Variants in ILDR2 observed in about 807,000 individuals in gnomAD.
ILDR2 encodes immunoglobulin-like domain-containing receptor 2.
A neutral mutation model predicts 66.8 loss-of-function variants in ILDR2; 25 were observed. That is an observed-to-expected ratio of 0.37 (90% CI 0.27 to 0.52). ILDR2 has a LOEUF of 0.52. ILDR2 is among the 20% of genes least tolerant of loss of function. The pLI is 0.88. For synonymous variants in ILDR2, 367 were observed against 357.2 expected (o/e 1.03, Z -0.31); for missense variants, 827 against 876.8 (o/e 0.94, Z 0.72).
rs964350693 is a variant in ILDR2 at position 166,911,184 on chromosome 1, C to G, written c.*8171G>C. ...TGTCTATAATTAAGACAGCCATTCT[C>G]TTATATTATCAAACTCTAAAGAATA... is the stretch of plus-strand genomic sequence containing the variant. On this transcript the variant is annotated 3_prime_UTR_variant, in exon 10 of 10. Coordinates refer to ENST00000271417, the MANE Select transcript of ILDR2 (RefSeq NM_199351.3). 2 of 152,250 alleles carry G rather than the reference C, an allele frequency of 1.3e-5. No individual in the cohort carries two copies. Among genetic ancestry groups the G allele is most frequent in the African/African-American group, 4.8e-5 (2 of 41,466 alleles). The allele number at this position is 152,250 out of a possible 1,614,324, so 9.4% of individuals were successfully genotyped here.
downstream of ILDR2, among the ~76,000 whole-genome samples, chr1:166,904,559 A>C (rs898532945): frequency 1.3e-5 from 2 of 152,224 alleles, no homozygotes; most frequent in Non-Finnish European, 1.5e-5. Flanking sequence ...GGAGATCTGG[A>C]TGCTAGCTCC....
chr1:166,972,220 A>G (rs943969149), intron 1 of ILDR2, among the ~76,000 whole-genome samples: 3 of 152,022 alleles, frequency 2.0e-5, no homozygotes, highest in African/African-American at 7.2e-5. Flanking sequence ...TCTCAAAAAA[A>G]AAAAAGAAAA....
chr1:166,946,971 A>G (rs1389513336), intron 3 of ILDR2, among the ~76,000 whole-genome samples: 1 of 152,242 alleles, frequency 6.6e-6, no homozygotes, highest in Non-Finnish European at 1.5e-5. Flanking sequence ...TGAATACATC[A>G]TAACACAGTA....
At chr1:166,963,572 A>G (rs1662751610) in intron 1 of ILDR2, among the ~76,000 whole-genome samples, 1 of 152,084 alleles carries the variant, frequency 6.6e-6, no homozygotes, top group African/African-American at 2.4e-5. Flanking sequence ...TCCACTCTCC[A>G]TATTTTTCTA....
rs980294668 is a variant in ILDR2, at chr1:166,914,582, C to T, written c.*4773G>A. 15 of 152,140 alleles carry T rather than the reference C, an allele frequency of 9.9e-5. No homozygotes were observed. Among genetic ancestry groups the T allele is most frequent in the African/African-American group, 3.6e-4 (15 of 41,420 alleles). The allele number at this position is 152,140 out of a possible 1,614,324, so 9.4% of individuals were successfully genotyped here. A position where few individuals can be genotyped will look rare whatever the true frequency, so the allele number is the denominator to read the frequency against. ...ACAGTAATATATCATAAAAATAACA[C>T]AAATATTATTAGTATTAACCTTCTC... On this transcript the variant is annotated 3_prime_UTR_variant, in exon 10 of 10. Transcript: ENST00000271417.
chr1:166,920,968 G>A lies in ILDR2; in HGVS notation c.1623C>T (p.Gly541=). Residue 541 remains glycine, a synonymous_variant, in exon 9 of 10, where the codon GGC becomes GGT. Coordinates refer to ENST00000271417, the MANE Select transcript of ILDR2 (RefSeq NM_199351.3). ...SARERQARPE[G]ASRGGSLETP... The stretch of plus-strand genomic sequence containing the variant: ...TCTCCAGGCTGCCACCGCGGCTGGC[G>A]CCCTCGGGCCGCGCCTGGCGCTCCC... 1 of 1,483,330 alleles carries A rather than the reference G, an allele frequency of 6.7e-7. No homozygotes were observed. The highest frequency in any genetic ancestry group is 1.3e-5 in the South Asian group (1 of 77,088). The allele number at this position is 1,483,330 out of a possible 1,614,324, so 91.9% of individuals were successfully genotyped here. A position where few individuals can be genotyped will look rare whatever the true frequency, so the allele number is the denominator to read the frequency against.
intron 2 of ILDR2, among the ~76,000 whole-genome samples, chr1:166,957,475 G>A (rs1190443110): frequency 1.3e-5 from 2 of 152,138 alleles, no homozygotes; most frequent in African/African-American, 4.8e-5. Flanking sequence ...CCTAAAACCC[G>A]TGTCAATTCA....
At chr1:166,965,565 G>GTT (rs1319279599) in intron 1 of ILDR2, among the ~76,000 whole-genome samples, 12 of 103,120 alleles carry the variant, frequency 1.2e-4, no homozygotes, top group African/African-American at 2.8e-4. Context: ...TTCAAGTTAG[G>GTT]TTTTGTTTTT....
At chr1:166,941,451 TGA>T (rs1437936065) in intron 3 of ILDR2, among the ~76,000 whole-genome samples, 1 of 152,092 alleles carries the variant, frequency 6.6e-6, no homozygotes, top group African/African-American at 2.4e-5. Flanking sequence ...CTTGAGAAAG[TGA>T]TTAAGAGACA....
In ILDR2 at chr1:166,920,829, C is replaced by G; in HGVS notation, c.1762G>C (p.Asp588His). 5 of 1,518,826 alleles carry G rather than the reference C, an allele frequency of 3.3e-6. No individual in the cohort carries two copies. The highest frequency in any genetic ancestry group is 3.5e-6 in the Non-Finnish European group (4 of 1,136,670). The allele number at this position is 1,518,826 out of a possible 1,614,324, so 94.1% of individuals were successfully genotyped here. A position where few individuals can be genotyped will look rare whatever the true frequency, so the allele number is the denominator to read the frequency against. ...SSQDDQEDAS[D>H]DALPPYSELE... Reference sequence around the variant, plus strand: ...TCGCTGTAGGGCGGCAGCGCGTCGTCGGACGCGTCCTCCTGGTCGTCCTGC... The same window carrying G: ...TCGCTGTAGGGCGGCAGCGCGTCGTGGGACGCGTCCTCCTGGTCGTCCTGC... The change falls in exon 9 of 10, where the codon GAC becomes CAC. Residue 588 changes from aspartate to histidine, a missense_variant. Asp to His is a moderately conservative substitution (Grantham distance 81). Transcript: ENST00000271417.
intron 6 of ILDR2, among the ~76,000 whole-genome samples, chr1:166,932,413 CTG>C (rs1156805717): frequency 1.3e-5 from 2 of 152,172 alleles, no homozygotes; most frequent in Non-Finnish European, 2.9e-5. Context: ...AAAGCAACAT[CTG>C]AGGACCACAG....
rs756329275 is a variant in ILDR2 at position 166,922,549 on chromosome 1, C to T, written c.1211+44G>A. The T allele has an allele frequency of 2.6e-6, 4 of 1,539,934 alleles. No homozygotes were observed. In the East Asian group the frequency reaches 6.8e-5, roughly 26 times the overall value. On this transcript the variant is annotated intron_variant, in intron 8 of 9. Transcript: ENST00000271417. ...CTCCGATCTACCCTGCCTTCCAGCT[C>T]CTGCCCCCTCACACCGACCAGACCT...
rs1660987627 is a variant in ILDR2 at position 166,936,483 on chromosome 1, G to T, written c.703+108C>A. 1.3e-6 allele frequency: 2 copies of T among 1,523,820 alleles called. No individual in the cohort carries two copies. Among genetic ancestry groups the T allele is most frequent in the South Asian group, 1.2e-5 (1 of 80,154 alleles). 94.4% of individuals were successfully genotyped at this position (1,523,820 alleles called of 1,614,324 possible). Reference sequence around the variant, plus strand: ...AAGAGTCTGGAATGACCAATCTTGGGGGTGGCAGGACAGGAGGTGGAGGAG... The same window carrying T: ...AAGAGTCTGGAATGACCAATCTTGGTGGTGGCAGGACAGGAGGTGGAGGAG... On this transcript the variant is annotated intron_variant, in intron 5 of 9. Transcript: ENST00000271417. The surrounding 1 kb of genome is among the most constrained non-coding windows in gnomAD (Gnocchi z 5.0).
At chr1:166,963,940 A>G (rs1452768089) in intron 1 of ILDR2, among the ~76,000 whole-genome samples, 4 of 152,118 alleles carry the variant, frequency 2.6e-5, no homozygotes, top group African/African-American at 9.7e-5. Flanking sequence ...ATGGGACTTG[A>G]GTTTCAAACT....
intron 6 of ILDR2, among the ~76,000 whole-genome samples, chr1:166,928,629 C>T (rs1027075519): frequency 6.6e-6 from 1 of 152,124 alleles, no homozygotes; most frequent in African/African-American, 2.4e-5. Flanking sequence ...AGTGTCTGGC[C>T]ATGTTACCCT....
chr1:166,916,259 A>C lies in ILDR2; in HGVS notation c.*3096T>G, dbSNP rs1659638922. On this transcript the variant is annotated 3_prime_UTR_variant, in exon 10 of 10. Transcript: ENST00000271417. ...CTTTTGAGTATTGGCTTTTCAGATCACCAAGTCTATGTTTAAATAAGATGA... is the reference window on the plus strand; with the variant it reads ...CTTTTGAGTATTGGCTTTTCAGATCCCCAAGTCTATGTTTAAATAAGATGA... The C allele has an allele frequency of 6.6e-6, 1 of 152,222 alleles. No homozygotes were observed. Among genetic ancestry groups the C allele is most frequent in the Admixed American group, 6.5e-5 (1 of 15,282 alleles). The allele number at this position is 152,222 out of a possible 1,614,324, so 9.4% of individuals were successfully genotyped here. A position where few individuals can be genotyped will look rare whatever the true frequency, so the allele number is the denominator to read the frequency against.
chr1:166,974,298 C>G (rs1243338921), intron 1 of ILDR2, among the ~76,000 whole-genome samples: 1 of 152,212 alleles, frequency 6.6e-6, no homozygotes, highest in Non-Finnish European at 1.5e-5. Flanking sequence ...CACCCCCATC[C>G]TACTCCCTTC....
At chr1:166,966,473 T>C (rs1464209605) in intron 1 of ILDR2, among the ~76,000 whole-genome samples, 1 of 152,230 alleles carries the variant, frequency 6.6e-6, no homozygotes, top group African/African-American at 2.4e-5. Context: ...TAAATACCAG[T>C]GCTGCCACTG....
Position 166,915,059 on chromosome 1 carries a change from A to T in ILDR2, c.*4296T>A, listed in dbSNP as rs1659589643. 6.6e-6 allele frequency: 1 copy of T among 152,240 alleles called. No individual in the cohort carries two copies. Among genetic ancestry groups the T allele is most frequent in the South Asian group, 2.1e-4 (1 of 4,832 alleles). The allele number at this position is 152,240 out of a possible 1,614,324, so 9.4% of individuals were successfully genotyped here. A position where few individuals can be genotyped will look rare whatever the true frequency, so the allele number is the denominator to read the frequency against. ...TCATGATTTAAGTTTTGCTAAAAAT[A>T]TATCAAGAGAATGAGAAAATTACCT... On this transcript the variant is annotated 3_prime_UTR_variant, in exon 10 of 10. Transcript: ENST00000271417.
Sources: gnomAD v4.1 joint callset for allele counts (sites outside exome capture counted in the v4.1 genomes callset) on GRCh38, gnomAD v4.1.1 for gene constraint, Gnocchi (gnomAD v3.1) non-coding constraint, MANE v1.5 for transcripts, NCBI Gene and HGNC (gene_info 2026-07-23, HGNC 2026-07-21) for gene names.